The following CSMD3 variants were observed in gnomAD, a reference collection of about 807,000 sequenced individuals.
The protein encoded by CSMD3 is CUB and sushi domain-containing protein 3.
In CSMD3, 177 loss-of-function variants were observed where a neutral mutation model predicts 435.2. That is an observed-to-expected ratio of 0.41 (90% CI 0.36 to 0.46). The LOEUF (loss-of-function observed/expected upper bound fraction) is 0.46. Ranked by LOEUF, CSMD3 falls within the 20% of genes least tolerant of loss-of-function variation. CSMD3 has a pLI of 0.34. For synonymous variants in CSMD3, 1,656 were observed against 1,520.5 expected, an observed-to-expected ratio of 1.09 and a Z score of -2.07; for missense variants, 4,265 against 4,504.6, an observed-to-expected ratio of 0.95 and a Z score of 1.52.
At chr8:113,200,624 G>T (rs1375669544) in intron 3 of CSMD3, among the ~76,000 whole-genome samples, 1 of 150,832 alleles carries the variant, frequency 6.6e-6, no homozygotes, top group African/African-American at 2.4e-5. Flanking sequence ...TTAAGTTCTG[G>T]GTTACACGTG....
At chr8:112,737,198 A>C (rs925432978) in intron 13 of CSMD3, among the ~76,000 whole-genome samples, 1 of 151,924 alleles carries the variant, frequency 6.6e-6, no homozygotes, top group Non-Finnish European at 1.5e-5. Flanking sequence ...AAAAGAATAC[A>C]ACATATATAA....
At chr8:112,357,308 G>A (rs1221525532) in intron 38 of CSMD3, among the ~76,000 whole-genome samples, 2 of 152,156 alleles carry the variant, frequency 1.3e-5, no homozygotes, top group East Asian at 3.9e-4. Flanking sequence ...TAGGTTATCT[G>A]GAGGAAGACA....
At chr8:112,661,788 G>T (rs1238243044) in intron 17 of CSMD3, among the ~76,000 whole-genome samples, 1 of 151,688 alleles carries the variant, frequency 6.6e-6, no homozygotes, top group South Asian at 2.1e-4. Context: ...GAAGGGGTGA[G>T]GTCTTCATAA....
rs576146290 is a variant in CSMD3, at chr8:113,314,346, A to T, written c.401+225T>A. ...CACTATAAAGAGATCACCACTCAAT[A>T]TATATTCACCTTTGTGAGACATAGT... On this transcript the variant is annotated intron_variant, in intron 2 of 70. Transcript: ENST00000297405. 3 of 522,690 alleles carry T rather than the reference A, an allele frequency of 5.7e-6. No homozygotes were observed. In the Admixed American group the frequency reaches 1.0e-4, roughly 17 times the overall value. The allele number at this position is 522,690 out of a possible 1,614,324, so 32.4% of individuals were successfully genotyped here.
At chr8:112,609,629 G>A (rs1216683411) in intron 22 of CSMD3, among the ~76,000 whole-genome samples, 1 of 152,100 alleles carries the variant, frequency 6.6e-6, no homozygotes, top group East Asian at 1.9e-4. Flanking sequence ...ATTAAAAATA[G>A]AACTACCATG....
At chr8:113,008,020 T>G (rs2086120397) in intron 6 of CSMD3, among the ~76,000 whole-genome samples, 1 of 151,784 alleles carries the variant, frequency 6.6e-6, no homozygotes, top group Non-Finnish European at 1.5e-5. Context: ...CTCAGAACCT[T>G]TTTGGCGGGG....
intron 42 of CSMD3, among the ~76,000 whole-genome samples, chr8:112,340,413 G>T (rs976391600): frequency 2.0e-5 from 3 of 152,062 alleles, no homozygotes; most frequent in African/African-American, 7.2e-5. Context: ...TGATGTTTAA[G>T]ACCTATCTCT....
At chr8:112,732,006 C>A (rs1051534982) in intron 13 of CSMD3, among the ~76,000 whole-genome samples, 4 of 151,842 alleles carry the variant, frequency 2.6e-5, no homozygotes, top group African/African-American at 7.3e-5. Context: ...TCAGGGCCAG[C>A]GCATGAAAGG....
chr8:112,827,789 A>G (rs759052874), intron 12 of CSMD3, among the ~76,000 whole-genome samples: 2 of 152,194 alleles, frequency 1.3e-5, no homozygotes, highest in Admixed American at 1.3e-4. Context: ...AACGCAAAGG[A>G]TCTTAGAAGC....
intron 16 of CSMD3, among the ~76,000 whole-genome samples, chr8:112,669,024 T>C (rs2075593506): frequency 6.6e-6 from 1 of 151,784 alleles, no homozygotes; most frequent in East Asian, 1.9e-4. Context: ...TTATTATTAT[T>C]ATTATGTATT....
intron 13 of CSMD3, among the ~76,000 whole-genome samples, chr8:112,749,024 G>A (rs2077505954): frequency 6.6e-6 from 1 of 151,940 alleles, no homozygotes; most frequent in Non-Finnish European, 1.5e-5. Context: ...CTTTTTAATA[G>A]TAGCCATTCT....
intron 35 of CSMD3, among the ~76,000 whole-genome samples, chr8:112,392,548 C>CA (rs1180890600): frequency 6.6e-6 from 1 of 151,046 alleles, no homozygotes. Context: ...AATATTCACC[C>CA]AAAAAATAGA....
At chr8:113,032,380 G>C (rs2087149929) in intron 5 of CSMD3, among the ~76,000 whole-genome samples, 1 of 151,498 alleles carries the variant, frequency 6.6e-6, no homozygotes, top group Admixed American at 6.6e-5. Flanking sequence ...ATGAGGAACT[G>C]ACTGGGAACT....
chr8:112,282,547 C>G (rs183699819), intron 58 of CSMD3, among the ~76,000 whole-genome samples: 1 of 151,882 alleles, frequency 6.6e-6, no homozygotes, highest in African/African-American at 2.4e-5. Flanking sequence ...AAATAGAGAC[C>G]TAGGCAGAGT....
At chr8:112,988,486 T>A (rs2085334128) in intron 6 of CSMD3, among the ~76,000 whole-genome samples, 1 of 152,078 alleles carries the variant, frequency 6.6e-6, no homozygotes, top group Non-Finnish European at 1.5e-5. Flanking sequence ...ATAAAACAGT[T>A]CTTAGTAATC....
Position 113,366,113 on chromosome 8 carries a change from C to T in CSMD3, c.179-51320G>A, listed in dbSNP as rs186063193. Among the ~76,000 whole-genome samples the T allele has an allele frequency of 4.8e-3, 730 of 152,022 alleles. 12 individuals are homozygous for T. The highest frequency in any genetic ancestry group is 0.017 in the African/African-American group (703 of 41,508). ...GCAAGAATACTCTAGGATTTGATGC[C>T]AAAATATATCAGTATTTTAGGCAAC... On this transcript the variant is annotated intron_variant, in intron 1 of 70. Transcript: ENST00000297405.
At chr8:112,793,142 A>T (rs1324437217) in intron 13 of CSMD3, among the ~76,000 whole-genome samples, 1 of 147,752 alleles carries the variant, frequency 6.8e-6, no homozygotes, top group Non-Finnish European at 1.5e-5. Flanking sequence ...AATTTAATAT[A>T]TTACATATTA....
chr8:112,678,411 C>A (rs2075813658), intron 16 of CSMD3, among the ~76,000 whole-genome samples: 1 of 152,112 alleles, frequency 6.6e-6, no homozygotes, highest in Non-Finnish European at 1.5e-5. Context: ...AAAGTACCTG[C>A]AACAAGATGA....
chr8:112,310,260 C>T (rs1221129355), intron 50 of CSMD3: 1 of 152,056 alleles, frequency 6.6e-6, no homozygotes, highest in African/African-American at 2.4e-5. Context: ...GTTATTGTTG[C>T]CCAAGCTGGA....
Sources: allele counts gnomAD v4.1 joint callset (sites outside exome capture counted in the v4.1 genomes callset), GRCh38; gene constraint gnomAD v4.1.1; transcripts MANE v1.5; gene names NCBI Gene and HGNC (gene_info 2026-07-23, HGNC 2026-07-21).